B3GAT2: variants seen among roughly 807,000 people sequenced by gnomAD.
B3GAT2 encodes the protein beta-1,3-glucuronyltransferase 2.
A neutral mutation model predicts 27.8 loss-of-function variants in B3GAT2; 26 were observed. The observed-to-expected ratio is 0.93, with a 90% CI of 0.68 to 1.30. The LOEUF is 1.30. B3GAT2 is among the 50% of genes most tolerant of loss of function. The pLI is 0.00. For missense variants in B3GAT2, 458 were observed against 459.0 expected, an observed-to-expected ratio of 1.00 and a Z score of 0.02; for synonymous variants, 218 against 195.1, an observed-to-expected ratio of 1.12 and a Z score of -0.98.
At chr6:70,924,672 C>T (rs1772924774) in intron 1 of B3GAT2, among the ~76,000 whole-genome samples, 1 of 152,188 alleles carries the variant, frequency 6.6e-6, no homozygotes, top group South Asian at 2.1e-4. Flanking sequence ...TCCAACCAGC[C>T]TGCATCTTGC....
At chr6:70,950,023 G>C (rs1477550189) in intron 1 of B3GAT2, among the ~76,000 whole-genome samples, 1 of 147,300 alleles carries the variant, frequency 6.8e-6, no homozygotes, top group Non-Finnish European at 1.5e-5. Flanking sequence ...ATGGACACAG[G>C]AAGGGGAACA....
At chr6:70,878,380 C>T (rs1230469059) in intron 2 of B3GAT2, among the ~76,000 whole-genome samples, 3 of 152,168 alleles carry the variant, frequency 2.0e-5, no homozygotes, top group African/African-American at 7.2e-5. Flanking sequence ...TTGTAGTATA[C>T]ATAGTTTCCG....
intron 2 of B3GAT2, among the ~76,000 whole-genome samples, chr6:70,864,763 C>A (rs1771822945): frequency 6.6e-6 from 1 of 152,142 alleles, no homozygotes; most frequent in South Asian, 2.1e-4. Flanking sequence ...TAAAGGGAAT[C>A]CTAAACCATT....
chr6:70,953,851 G>A (rs1159572617), intron 1 of B3GAT2, among the ~76,000 whole-genome samples: 2 of 151,662 alleles, frequency 1.3e-5, no homozygotes, highest in African/African-American at 4.8e-5. Context: ...CCCCCATATG[G>A]ACTAATGAAA....
chr6:70,948,932 C>T (rs1388437855), intron 1 of B3GAT2, among the ~76,000 whole-genome samples: 2 of 151,864 alleles, frequency 1.3e-5, no homozygotes, highest in Non-Finnish European at 2.9e-5. Flanking sequence ...TGATCTTTGA[C>T]AAACCTGAGA....
In B3GAT2 at chr6:70,936,283, G is replaced by T. The variant is rs1370768289; in HGVS notation, c.591+19556C>A. Among the ~76,000 whole-genome samples, 6 of 152,042 alleles carry T rather than the reference G, an allele frequency of 3.9e-5. No individual in the cohort carries two copies. In the East Asian group the frequency reaches 1.2e-3, roughly 29 times the overall value. On this transcript the variant is annotated intron_variant, in intron 1 of 3. Transcript: ENST00000230053. ...CCTGAGTGACCTACAAAGAGACTTA[G>T]ACTCCCAAACAATAATAATGGGAGA...
intron 1 of B3GAT2, among the ~76,000 whole-genome samples, chr6:70,939,138 CAT>C (rs1765345141): frequency 2.0e-5 from 3 of 152,058 alleles, no homozygotes; most frequent in East Asian, 1.9e-4. Context: ...AGCCAAAAGA[CAT>C]ATGAAAAAAC....
intron 1 of B3GAT2, among the ~76,000 whole-genome samples, chr6:70,917,590 C>T (rs1197496767): frequency 2.0e-5 from 3 of 151,992 alleles, no homozygotes; most frequent in East Asian, 1.9e-4. Flanking sequence ...GATTCTTGAA[C>T]GTTGTATCTT....
chr6:70,890,099 C>G (rs561534165), intron 2 of B3GAT2, among the ~76,000 whole-genome samples: 1 of 152,206 alleles, frequency 6.6e-6, no homozygotes, highest in South Asian at 2.1e-4. Flanking sequence ...TAACTTTGCT[C>G]AGACCATTCT....
chr6:70,954,526 G>T (rs1260554966), intron 1 of B3GAT2, among the ~76,000 whole-genome samples: 1 of 152,198 alleles, frequency 6.6e-6, no homozygotes, highest in East Asian at 1.9e-4. Context: ...GAATAGCTCT[G>T]CCCTGGGGTT....
chr6:70,859,201 C>T lies in B3GAT2; in HGVS notation c.*2462G>A, dbSNP rs1771582360. ...AATATAGGTAAAACATTGGTCTCTACCCGCTGGGAATCTAAAAAATTGTAT... is the reference window on the plus strand; with the variant it reads ...AATATAGGTAAAACATTGGTCTCTATCCGCTGGGAATCTAAAAAATTGTAT... On this transcript the variant is annotated 3_prime_UTR_variant, in exon 4 of 4. Transcript: ENST00000230053. The T allele has an allele frequency of 1.7e-6, 1 of 596,580 alleles. No individual in the cohort carries two copies. The highest frequency in any genetic ancestry group is 3.3e-5 in the Admixed American group (1 of 29,958). The allele number at this position is 596,580 out of a possible 1,614,324, so 37.0% of individuals were successfully genotyped here. A position where few individuals can be genotyped will look rare whatever the true frequency, so the allele number is the denominator to read the frequency against.
chr6:70,902,421 T>C (rs1286502734), intron 1 of B3GAT2, among the ~76,000 whole-genome samples: 2 of 151,944 alleles, frequency 1.3e-5, no homozygotes, highest in Non-Finnish European at 2.9e-5. Flanking sequence ...TAGAGAACAG[T>C]ATGGAGGCTC....
chr6:70,940,682 C>G (rs944977739), intron 1 of B3GAT2, among the ~76,000 whole-genome samples: 1 of 152,124 alleles, frequency 6.6e-6, no homozygotes, highest in Admixed American at 6.5e-5. Context: ...AATCCCAGCA[C>G]TTTGGGAAAC....
Position 70,858,302 on chromosome 6 carries a change from T to A in B3GAT2, c.*3361A>T. ...TTTTCTAAATCTTTTTTTTTTTTTT[T>A]TTTTTTTTTTTTTAAGTCTAGTGAT... On this transcript the variant is annotated 3_prime_UTR_variant, in exon 4 of 4. Transcript: ENST00000230053. 1 of 1,332,054 alleles carries A rather than the reference T, an allele frequency of 7.5e-7. No individual in the cohort carries two copies. Among genetic ancestry groups the A allele is most frequent in the African/African-American group, 1.5e-5 (1 of 65,450 alleles). 82.5% of individuals were successfully genotyped at this position (1,332,054 alleles called of 1,614,324 possible).
rs552847795 is a variant in B3GAT2 at position 70,861,754 on chromosome 6, A to G, written c.886-5T>C. 2 of 1,614,076 alleles carry G rather than the reference A, an allele frequency of 1.2e-6. No homozygotes were observed. The highest frequency in any genetic ancestry group is 2.7e-5 in the African/African-American group (2 of 75,020). ...CCGAGTGTGCCACACGAGAACCTGA[A>G]GGGGAAGGAAATAGCTTGGGTAGCG... On this transcript the variant is annotated splice_polypyrimidine_tract_variant and splice_region_variant and intron_variant, in intron 3 of 3. Transcript: ENST00000230053.
chr6:70,859,047 T>C lies in B3GAT2; in HGVS notation c.*2616A>G. 4.3e-6 allele frequency: 1 copy of C among 234,968 alleles called. No homozygotes were observed. The highest frequency in any genetic ancestry group is 1.1e-4 in the South Asian group (1 of 9,046). 14.6% of individuals were successfully genotyped at this position (234,968 alleles called of 1,614,324 possible). A position where few individuals can be genotyped will look rare whatever the true frequency, so the allele number is the denominator to read the frequency against. On this transcript the variant is annotated 3_prime_UTR_variant, in exon 4 of 4. Transcript: ENST00000230053. Reference sequence around the variant, plus strand: ...TTCCCATTGATGTTCCTCCAGCATTTTGGCAATCTTGGTTTCTGTTTGGTC... The same window carrying C: ...TTCCCATTGATGTTCCTCCAGCATTCTGGCAATCTTGGTTTCTGTTTGGTC...
chr6:70,902,382 G>A (rs907106463), intron 1 of B3GAT2, among the ~76,000 whole-genome samples: 13 of 151,902 alleles, frequency 8.6e-5, no homozygotes, highest in Admixed American at 3.3e-4. Context: ...GTACATGGTT[G>A]GTAGAAATGT....
chr6:70,892,117 T>C (rs1170539211), intron 2 of B3GAT2, among the ~76,000 whole-genome samples: 2 of 152,190 alleles, frequency 1.3e-5, no homozygotes, highest in Non-Finnish European at 2.9e-5. Context: ...TGATAATGAA[T>C]ACAGAGCAAG....
chr6:70,903,458 T>C (rs893946888), intron 1 of B3GAT2, among the ~76,000 whole-genome samples: 1 of 152,082 alleles, frequency 6.6e-6, no homozygotes, highest in Non-Finnish European at 1.5e-5. Context: ...TCCTAATACA[T>C]ACATCTGACA....
Sources: gnomAD v4.1 joint callset for allele counts (sites outside exome capture counted in the v4.1 genomes callset) on GRCh38, gnomAD v4.1.1 for gene constraint, MANE v1.5 for transcripts, NCBI Gene and HGNC (gene_info 2026-07-23, HGNC 2026-07-21) for gene names.